Variants in EVC2 observed in about 807,000 individuals in gnomAD.
EVC2 encodes the protein limbin.
In EVC2, 148 loss-of-function variants were observed where a neutral mutation model predicts 149.3. The observed-to-expected ratio is 0.99, with a 90% CI of 0.87 to 1.14. EVC2 has a LOEUF of 1.14. Among genes scored for constraint, EVC2 ranks in the 50% most tolerant of loss-of-function variants. The pLI is 0.00. For missense variants in EVC2, 1,854 were observed against 1,627.3 expected, an observed-to-expected ratio of 1.14 and a Z score of -2.40; for synonymous variants, 776 against 649.9, an observed-to-expected ratio of 1.19 and a Z score of -2.95.
chr4:5,660,468 C>A (rs960355619), intron 9 of EVC2, among the ~76,000 whole-genome samples: 1 of 152,190 alleles, frequency 6.6e-6, no homozygotes, highest in Non-Finnish European at 1.5e-5. Context: ...CTGGTTCTAC[C>A]TAGGATCTAC....
intron 16 of EVC2, among the ~76,000 whole-genome samples, chr4:5,602,122 T>G (rs965620429): frequency 3.3e-5 from 5 of 151,844 alleles, no homozygotes; most frequent in African/African-American, 1.2e-4. Context: ...TAAAAAATTT[T>G]AAAATAAAAA....
intron 17 of EVC2, among the ~76,000 whole-genome samples, chr4:5,579,445 C>T (rs566183777): frequency 1.3e-5 from 2 of 152,280 alleles, no homozygotes; most frequent in East Asian, 3.9e-4. Context: ...CTAGATACAT[C>T]AGACTAGTGA....
In EVC2 at chr4:5,563,090, G is replaced by C. The variant is rs756707642; in HGVS notation, c.3685C>G (p.Leu1229Val). The C allele has an allele frequency of 1.9e-6, 3 of 1,614,072 alleles. No individual in the cohort carries two copies. Among genetic ancestry groups the C allele is most frequent in the Admixed American group, 1.7e-5 (1 of 60,022 alleles). Residue 1229 changes from leucine (L) to valine (V), a missense_variant, in exon 22 of 22, where the codon CTC becomes GTC. Transcript: ENST00000344408. ...QSILKKTCLP[L>V]RERMIFSGKG... Reference sequence around the variant, plus strand: ...CCAGAGAATATCATCCTCTCTCTGAGAGGGAGACATGTCTTCTTTAATATG... The same window carrying C: ...CCAGAGAATATCATCCTCTCTCTGACAGGGAGACATGTCTTCTTTAATATG...
At chr4:5,658,299 T>C (rs1718659757) in intron 9 of EVC2, among the ~76,000 whole-genome samples, 1 of 152,198 alleles carries the variant, frequency 6.6e-6, no homozygotes, top group Non-Finnish European at 1.5e-5. Flanking sequence ...AAAGAACAAG[T>C]GAACAAAGAA....
At position 5,628,740 on chromosome 4, in the gene EVC2, A is replaced by T. The variant is rs780082286; in HGVS notation, c.1711-6T>A. The T allele has an allele frequency of 3.8e-6, 6 of 1,575,582 alleles. No homozygotes were observed. The highest frequency in any genetic ancestry group is 5.1e-6 in the Non-Finnish European group (6 of 1,173,296). ...ATTAACTCTTCTACATTCTCCTGTC[A>T]ATTAAAAAAAAAAACAAGAAAATAT... On this transcript the variant is annotated splice_polypyrimidine_tract_variant and splice_region_variant and intron_variant, in intron 11 of 21. Coordinates refer to ENST00000344408, the MANE Select transcript of EVC2 (RefSeq NM_147127.5).
chr4:5,591,092 G>T (rs1425919805), intron 16 of EVC2, among the ~76,000 whole-genome samples: 1 of 152,166 alleles, frequency 6.6e-6, no homozygotes, highest in Admixed American at 6.5e-5. Flanking sequence ...AGATGAGATT[G>T]GGTGGAGACA....
Position 5,633,717 on chromosome 4 carries a change from A to T in EVC2, c.1471-1685T>A, listed in dbSNP as rs6815617. 1.3e-5 allele frequency among the ~76,000 whole-genome samples: 2 copies of T among 152,222 alleles called. No homozygotes were observed. The highest frequency in any genetic ancestry group is 4.8e-5 in the African/African-American group (2 of 41,438). On this transcript the variant is annotated intron_variant, in intron 10 of 21. Transcript: ENST00000344408. This position sits in a 1 kb window ranked among gnomAD's most constrained non-coding sequence, Gnocchi z 4.4. Reference sequence around the variant, plus strand: ...GGCTGAGTAGAAGCCCGAGGAAGGCAGAAGGGGCTCCGGTGCACAGGGCAA... The same window carrying T: ...GGCTGAGTAGAAGCCCGAGGAAGGCTGAAGGGGCTCCGGTGCACAGGGCAA...
At chr4:5,552,012 C>T (rs1420446162) in intron 21 of EVC2, among the ~76,000 whole-genome samples, 3 of 152,280 alleles carry the variant, frequency 2.0e-5, no homozygotes, top group East Asian at 1.9e-4. Context: ...TACCCAGTCT[C>T]GGGTATGTCT....
rs73061783 is a variant in EVC2 at position 5,607,489 on chromosome 4, C to T, written c.2829+7933G>A. Among the ~76,000 whole-genome samples the T allele has an allele frequency of 2.7e-3, 407 of 152,286 alleles. 2 individuals carry two copies. Among genetic ancestry groups the T allele is most frequent in the African/African-American group, 8.1e-3 (335 of 41,546 alleles). The stretch of plus-strand genomic sequence containing the variant: ...ATTTGTAATCAGTCCATCAGAAGGA[C>T]CAGACATCTGTAGCTGACTTTCCCA... On this transcript the variant is annotated intron_variant, in intron 16 of 21. Coordinates refer to ENST00000344408, the MANE Select transcript of EVC2 (RefSeq NM_147127.5).
intron 1 of EVC2, among the ~76,000 whole-genome samples, chr4:5,699,904 G>T (rs905290227): frequency 6.6e-6 from 1 of 152,126 alleles, no homozygotes; most frequent in East Asian, 1.9e-4. Context: ...ACTTTGGGAG[G>T]CCAAGGTAGG....
intron 16 of EVC2, among the ~76,000 whole-genome samples, chr4:5,612,944 A>G (rs1379070669): frequency 6.6e-6 from 1 of 151,014 alleles, no homozygotes; most frequent in Non-Finnish European, 1.5e-5. Flanking sequence ...AAAAAAAAAA[A>G]AAAAAGAAAT....
intron 16 of EVC2, among the ~76,000 whole-genome samples, chr4:5,594,300 C>G (rs1384437086): frequency 6.6e-6 from 1 of 152,212 alleles, no homozygotes; most frequent in African/African-American, 2.4e-5. Context: ...GACCCCCGAG[C>G]AGCCTAACTG....
chr4:5,557,490 C>T (rs1721858819), downstream of EVC2, among the ~76,000 whole-genome samples: 1 of 152,072 alleles, frequency 6.6e-6, no homozygotes, highest in African/African-American at 2.4e-5. Flanking sequence ...CTCTTCAGAT[C>T]AAGAATAAGG....
intron 21 of EVC2, among the ~76,000 whole-genome samples, chr4:5,543,749 G>A (rs1429057822): frequency 6.6e-6 from 1 of 152,154 alleles, no homozygotes; most frequent in Non-Finnish European, 1.5e-5. Flanking sequence ...GAACCGGAGA[G>A]GGAAATGGTA....
chr4:5,630,223 C>T (rs537072506), intron 11 of EVC2, among the ~76,000 whole-genome samples: 1 of 152,296 alleles, frequency 6.6e-6, no homozygotes, highest in Admixed American at 6.5e-5. Context: ...GACGATTACT[C>T]GGTCTCCTCC....
At position 5,615,460 on chromosome 4, in the gene EVC2, G is replaced by A. The variant is rs749339159; in HGVS notation, c.2791C>T (p.Leu931Phe). ...LKKCIEDKIH[L>F]CEEQASEDLV... ...TCTTCAGAGGCCTGTTCCTCACAGA[G>A]GTGAATTTTGTCTTCGATGCACTTC... Residue 931 changes from leucine (L) to phenylalanine (F), a missense_variant, in exon 16 of 22, where the codon CTC becomes TTC. Coordinates refer to ENST00000344408, the MANE Select transcript of EVC2 (RefSeq NM_147127.5). 33 of 1,614,088 alleles carry A rather than the reference G, an allele frequency of 2.0e-5. No homozygotes were observed. The highest frequency in any genetic ancestry group is 2.8e-5 in the Non-Finnish European group (33 of 1,180,038).
intron 9 of EVC2, among the ~76,000 whole-genome samples, chr4:5,660,446 C>G (rs66956618): frequency 0.22 from 32,724 of 152,120 alleles, 3,613 homozygotes; most frequent in African/African-American, 0.25. Flanking sequence ...AAAGGATGAG[C>G]CAGAGCTGTT....
Position 5,689,236 on chromosome 4 carries a change from A to G in EVC2, c.627T>C (p.Ile209=). The change falls in exon 5 of 22, where the codon ATT becomes ATC. Residue 209 remains isoleucine (I), a synonymous_variant. Coordinates refer to ENST00000344408, the MANE Select transcript of EVC2 (RefSeq NM_147127.5). ...CAGAGTCCCAAATGGTGAGACCAGC[A>G]ATGCTGTCCAGCAAGAGCAGCTCCG... ...NLSELLLLDS[I]AGLTIWDSVG... 6.2e-7 allele frequency: 1 copy of G among 1,614,218 alleles called. No individual in the cohort carries two copies. The highest frequency in any genetic ancestry group is 8.5e-7 in the Non-Finnish European group (1 of 1,180,044).
At chr4:5,590,608 G>T (rs988138292) in intron 16 of EVC2, among the ~76,000 whole-genome samples, 2 of 151,446 alleles carry the variant, frequency 1.3e-5, no homozygotes, top group South Asian at 4.2e-4. Context: ...CATTCCTTCC[G>T]GATAATACAC....
Sources: allele counts gnomAD v4.1 joint callset (sites outside exome capture counted in the v4.1 genomes callset), GRCh38; gene constraint gnomAD v4.1.1; non-coding constraint Gnocchi (gnomAD v3.1); transcripts MANE v1.5; gene names NCBI Gene and HGNC (gene_info 2026-07-23, HGNC 2026-07-21).